The following SNTG2 variants were observed in gnomAD, a reference collection of about 807,000 sequenced individuals.
SNTG2 encodes the protein syntrophin gamma 2.
SNTG2 carries 74 observed loss-of-function variants against 70.9 expected under a neutral mutation model. That is an observed-to-expected ratio of 1.04 (90% CI 0.86 to 1.27). SNTG2 has a LOEUF of 1.27. SNTG2 is among the 50% of genes most tolerant of loss of function. The pLI is 0.00. For synonymous variants in SNTG2, 278 were observed against 273.8 expected (o/e 1.02, Z -0.15); for missense variants, 717 against 690.7 (o/e 1.04, Z -0.43).
chr2:1,248,519 C>A (rs1343709374), intron 12 of SNTG2, among the ~76,000 whole-genome samples: 2 of 152,206 alleles, frequency 1.3e-5, no homozygotes, highest in Admixed American at 6.5e-5. Context: ...GCTTATTGCA[C>A]CTAAATGTTT....
chr2:1,208,601 C>T (rs556774621), intron 8 of SNTG2, among the ~76,000 whole-genome samples: 7 of 152,160 alleles, frequency 4.6e-5, no homozygotes, highest in Middle Eastern at 6.8e-3. Flanking sequence ...GCAGACCCGA[C>T]GAGGCCTCAC....
At chr2:1,130,527 A>G (rs971103285) in intron 4 of SNTG2, among the ~76,000 whole-genome samples, 1 of 152,200 alleles carries the variant, frequency 6.6e-6, no homozygotes, top group Admixed American at 6.5e-5. Flanking sequence ...TTTCTTTTTG[A>G]TACATCATCA....
At chr2:1,036,281 TTTTC>T (rs1429898384) in intron 1 of SNTG2, among the ~76,000 whole-genome samples, 1 of 152,182 alleles carries the variant, frequency 6.6e-6, no homozygotes, top group Non-Finnish European at 1.5e-5. Context: ...TTTGTCACAT[TTTTC>T]TTTATTTTTT....
chr2:1,186,249 A>G (rs1672244200), intron 8 of SNTG2, among the ~76,000 whole-genome samples: 1 of 152,206 alleles, frequency 6.6e-6, no homozygotes, highest in Non-Finnish European at 1.5e-5. Flanking sequence ...CCTGGACTTC[A>G]TTCACTATCA....
chr2:985,930 A>G (rs1053010829), intron 1 of SNTG2, among the ~76,000 whole-genome samples: 2 of 152,208 alleles, frequency 1.3e-5, no homozygotes, highest in African/African-American at 2.4e-5. Context: ...GAAGAAAAGT[A>G]CTGTGTTTGG....
intron 8 of SNTG2, among the ~76,000 whole-genome samples, chr2:1,180,888 A>G (rs939594084): frequency 7.9e-5 from 12 of 152,184 alleles, no homozygotes; most frequent in Non-Finnish European, 1.8e-4. Context: ...CTATGCAGCC[A>G]TAAAAAATGA....
chr2:1,198,650 A>G (rs1019329100), intron 8 of SNTG2, among the ~76,000 whole-genome samples: 1 of 152,102 alleles, frequency 6.6e-6, no homozygotes, highest in Non-Finnish European at 1.5e-5. Context: ...ATAAACTGCT[A>G]GCTAAACAAA....
intron 1 of SNTG2, among the ~76,000 whole-genome samples, chr2:1,026,728 C>G (rs548817919): frequency 1.3e-5 from 2 of 152,156 alleles, no homozygotes; most frequent in African/African-American, 4.8e-5. Context: ...AAAAATACCC[C>G]GATTCCACCT....
At chr2:1,169,813 G>T (rs776644005) in intron 7 of SNTG2, among the ~76,000 whole-genome samples, 3 of 152,208 alleles carry the variant, frequency 2.0e-5, no homozygotes, top group Non-Finnish European at 4.4e-5. Context: ...GGAAAGGGCA[G>T]CCTGGGGTGC....
chr2:1,119,711 C>T (rs1235354962), intron 4 of SNTG2, among the ~76,000 whole-genome samples: 1 of 151,844 alleles, frequency 6.6e-6, no homozygotes, highest in Admixed American at 6.6e-5. Flanking sequence ...CAAAGCTGAG[C>T]ACCACAGAAA....
At chr2:1,220,123 C>G (rs561704509) in intron 9 of SNTG2, 1 of 152,390 alleles carries the variant, frequency 6.6e-6, no homozygotes, top group East Asian at 1.9e-4. Flanking sequence ...ATGCTCTGAG[C>G]TCGCGCGTCC....
intron 7 of SNTG2, among the ~76,000 whole-genome samples, chr2:1,169,156 C>T (rs28733081): frequency 0.25 from 37,988 of 151,812 alleles, 5,210 homozygotes; most frequent in East Asian, 0.44. Context: ...ACCATACAGG[C>T]TCACGAAGGA....
At chr2:1,123,902 C>G (rs13405192) in intron 4 of SNTG2, among the ~76,000 whole-genome samples, 73,991 of 152,098 alleles carry the variant, frequency 0.49, 19,398 homozygotes, top group African/African-American at 0.67. Flanking sequence ...GCCACATGCT[C>G]TCACTTATAT....
At chr2:1,244,297 T>C (rs752799800) in intron 11 of SNTG2, among the ~76,000 whole-genome samples, 1 of 152,200 alleles carries the variant, frequency 6.6e-6, no homozygotes, top group Non-Finnish European at 1.5e-5. Flanking sequence ...GTGATTATTC[T>C]CTACTCCTCC....
intron 1 of SNTG2, among the ~76,000 whole-genome samples, chr2:1,005,469 G>T (rs1266326534): frequency 6.6e-6 from 1 of 151,940 alleles, no homozygotes; most frequent in East Asian, 1.9e-4. Flanking sequence ...CAGTTTCTCT[G>T]TGAAGCTAAA....
At chr2:1,020,390 C>G (rs1312327198) in intron 1 of SNTG2, among the ~76,000 whole-genome samples, 2 of 152,200 alleles carry the variant, frequency 1.3e-5, no homozygotes, top group Non-Finnish European at 2.9e-5. Flanking sequence ...GTGAGGGAAC[C>G]ACTTACAACC....
At chr2:1,091,496 A>G (rs1347071998) in intron 2 of SNTG2, among the ~76,000 whole-genome samples, 1 of 152,184 alleles carries the variant, frequency 6.6e-6, no homozygotes, top group East Asian at 1.9e-4. Context: ...CGCAAACATC[A>G]TAAGGTCATG....
intron 12 of SNTG2, among the ~76,000 whole-genome samples, chr2:1,258,601 A>G (rs1678248987): frequency 6.6e-6 from 1 of 152,246 alleles, no homozygotes; most frequent in Admixed American, 6.5e-5. Context: ...CAAAGACATA[A>G]TTCCGTGCAC....
At chr2:1,206,978 T>G (rs1282722099) in intron 8 of SNTG2, among the ~76,000 whole-genome samples, 2 of 152,208 alleles carry the variant, frequency 1.3e-5, no homozygotes, top group African/African-American at 4.8e-5. Context: ...AGTATGTGGC[T>G]AAACACACAG....
Sources: gnomAD v4.1 joint callset for allele counts (sites outside exome capture counted in the v4.1 genomes callset) on GRCh38, gnomAD v4.1.1 for gene constraint, MANE v1.5 for transcripts, NCBI Gene and HGNC (gene_info 2026-07-23, HGNC 2026-07-21) for gene names.